The following EP300 variants were observed in gnomAD, a reference collection of about 807,000 sequenced individuals.
EP300 encodes histone acetyltransferase p300.
In EP300, 31 loss-of-function variants were observed where a neutral mutation model predicts 264.0. The ratio of observed to expected loss-of-function variants is 0.12; its 90% CI spans 0.09 to 0.16. The LOEUF (loss-of-function observed/expected upper bound fraction) is 0.16, where lower values mean the gene tolerates loss of function less well. Among genes scored for constraint, EP300 ranks in the 10% least tolerant of loss-of-function variants. The pLI is 1.00. For missense variants in EP300, 2,766 were observed against 3,052.9 expected (o/e 0.91, Z 2.21); for synonymous variants, 1,340 against 1,045.4 (o/e 1.28, Z -5.44).
At chr22:41,147,594 T>C (rs1225189675) in intron 11 of EP300, among the ~76,000 whole-genome samples, 1 of 151,702 alleles carries the variant, frequency 6.6e-6, no homozygotes, top group African/African-American at 2.4e-5. Context: ...AAAAATTAGC[T>C]GGGTGTGGTG....
At chr22:41,140,661 T>C (rs2058976943) in intron 9 of EP300, among the ~76,000 whole-genome samples, 1 of 151,844 alleles carries the variant, frequency 6.6e-6, no homozygotes, top group Non-Finnish European at 1.5e-5. Context: ...TAGCCAGGCA[T>C]GGTGGCACGT....
At chr22:41,151,302 C>T (rs949661367) in intron 14 of EP300, among the ~76,000 whole-genome samples, 1 of 152,048 alleles carries the variant, frequency 6.6e-6, no homozygotes. Flanking sequence ...AAGGATACTT[C>T]CAGAAAATAC....
chr22:41,179,235 G>A lies in EP300; in HGVS notation c.*279G>A, dbSNP rs982303617. 6.9e-6 allele frequency: 3 copies of A among 437,114 alleles called. No homozygotes were observed. The highest frequency in any genetic ancestry group is 1.2e-5 in the Non-Finnish European group (3 of 244,034). 27.1% of individuals were successfully genotyped at this position (437,114 alleles called of 1,614,324 possible). A position where few individuals can be genotyped will look rare whatever the true frequency, so the allele number is the denominator to read the frequency against. The stretch of plus-strand genomic sequence containing the variant: ...AAGTGTGCACTGGGAGGAGGCTGAG[G>A]CCTGTGAAGCCAAACAATATGCTCC... On this transcript the variant is annotated 3_prime_UTR_variant, in exon 31 of 31. Coordinates refer to ENST00000263253, the MANE Select transcript of EP300 (RefSeq NM_001429.4).
chr22:41,174,087 G>A (rs900657437), intron 29 of EP300, among the ~76,000 whole-genome samples: 13 of 151,920 alleles, frequency 8.6e-5, no homozygotes, highest in African/African-American at 2.9e-4. Context: ...TCCAGCCTGG[G>A]CAACAAGAGC....
intron 1 of EP300, among the ~76,000 whole-genome samples, chr22:41,113,852 A>T (rs904602431): frequency 6.6e-6 from 1 of 152,036 alleles, no homozygotes; most frequent in Non-Finnish European, 1.5e-5. Context: ...GGCCTTTTTA[A>T]CTTTATTTTC....
chr22:41,127,442 G>GCACA, intron 3 of EP300, 45 bp from the exon 4 acceptor site: 1 of 1,609,678 alleles, frequency 6.2e-7, no homozygotes, highest in African/African-American at 1.3e-5. Flanking sequence ...TTAAGAAATA[G>GCACA]CACATTATGA....
At chr22:41,137,565 C>A (rs911795338) in intron 7 of EP300, 88 bp from the exon 8 acceptor site, 3 of 1,536,676 alleles carry the variant, frequency 2.0e-6, no homozygotes, top group African/African-American at 2.7e-5. Flanking sequence ...CATATTGATT[C>A]CATTACAATA....
At chr22:41,141,529 C>G (rs1485874515) in intron 10 of EP300, among the ~76,000 whole-genome samples, 2 of 152,156 alleles carry the variant, frequency 1.3e-5, no homozygotes, top group Admixed American at 1.3e-4. Context: ...ACAGATTTCT[C>G]TGAGACTGGC....
Position 41,150,213 on chromosome 22 carries a change from G to A in EP300, c.2817+15G>A, listed in dbSNP as rs745598544. The A allele has an allele frequency of 1.3e-6, 2 of 1,595,108 alleles. No homozygotes were observed. The highest frequency in any genetic ancestry group is 2.3e-5 in the East Asian group (1 of 44,382). On this transcript the variant is annotated intron_variant, in intron 14 of 30. Coordinates refer to ENST00000263253, the MANE Select transcript of EP300 (RefSeq NM_001429.4). ...CTGCAACTCCAGTAAGTAGAGATTTGGATTTAGGCAGAATCATTAGAGCTA... is the reference window on the plus strand; with the variant it reads ...CTGCAACTCCAGTAAGTAGAGATTTAGATTTAGGCAGAATCATTAGAGCTA...
intron 1 of EP300, among the ~76,000 whole-genome samples, chr22:41,096,847 GA>G (rs1302114590): frequency 6.6e-6 from 1 of 152,020 alleles, no homozygotes; most frequent in Non-Finnish European, 1.5e-5. Context: ...TCGAACTCCT[GA>G]CCTCAGGTGA....
chr22:41,131,603 C>A lies in EP300; in HGVS notation c.1498C>A (p.Pro500Thr). 6.2e-7 allele frequency: 1 copy of A among 1,614,120 alleles called. No homozygotes were observed. The highest frequency in any genetic ancestry group is 8.5e-7 in the Non-Finnish European group (1 of 1,180,020). ...NQQNQQPGQS[P>T]QGMRPMSNMS... ...GCAGAATCAGCAGCCTGGGCAGTCT[C>A]CCCAAGGCATGCGGCCCATGAGCAA... Residue 500 changes from proline (P) to threonine (T), a missense_variant, in exon 6 of 31, where the codon CCC becomes ACC. Physicochemically the swap from Pro to Thr is conservative, Grantham distance 38. Coordinates refer to ENST00000263253, the MANE Select transcript of EP300 (RefSeq NM_001429.4).
chr22:41,167,820 T>TTTTTG (rs1569115903), intron 23 of EP300, among the ~76,000 whole-genome samples: 3 of 44,188 alleles, frequency 6.8e-5, no homozygotes, highest in African/African-American at 9.2e-5. Context: ...TTTTGTTTTT[T>TTTTTG]TTTTTGTTTT....
chr22:41,152,145 A>C, intron 15 of EP300, 61 bp from the exon 16 acceptor site: 1 of 1,593,052 alleles, frequency 6.3e-7, no homozygotes, highest in East Asian at 2.2e-5. Flanking sequence ...AAGGGTGTTC[A>C]GATTACTGAT....
chr22:41,173,911 A>C, intron 29 of EP300, 127 bp downstream of exon 29: 1 of 1,098,556 alleles, frequency 9.1e-7, no homozygotes, highest in Non-Finnish European at 1.4e-6. Flanking sequence ...CAGGAGTTCA[A>C]GACCAGCCTG....
At chr22:41,157,478 A>T (rs1470113225) in intron 18 of EP300, 70 bp downstream of exon 18, 10 of 1,097,350 alleles carry the variant, frequency 9.1e-6, no homozygotes, top group Non-Finnish European at 1.1e-5. Flanking sequence ...GGTGACTGGG[A>T]TAAGAGAATA....
chr22:41,164,266 G>A (rs964246913), intron 22 of EP300, 136 bp downstream of exon 22: 5 of 822,820 alleles, frequency 6.1e-6, no homozygotes, highest in Admixed American at 4.8e-5. Context: ...GTTTGGCCAC[G>A]ATAATTATAG....
In EP300 at chr22:41,117,919, A is replaced by G. The variant is rs1246642027; in HGVS notation, c.729+98A>G. 7 of 1,568,850 alleles carry G rather than the reference A, an allele frequency of 4.5e-6. No individual in the cohort carries two copies. The East Asian group carries it at 6.8e-5, about 15-fold the overall frequency. On this transcript the variant is annotated intron_variant, in intron 2 of 30. Transcript: ENST00000263253. ...CTTACATTGTATAGCAGTTTCCACTATTACACGCCAGGAATTTACTGTGCT... is the reference window on the plus strand; with the variant it reads ...CTTACATTGTATAGCAGTTTCCACTGTTACACGCCAGGAATTTACTGTGCT...
At chr22:41,131,255 G>A in intron 5 of EP300, 133 bp from the exon 6 acceptor site, 2 of 1,032,948 alleles carry the variant, frequency 1.9e-6, no homozygotes, top group Non-Finnish European at 2.9e-6. Flanking sequence ...GGAAATAATG[G>A]AAGACAAGAT....
Position 41,115,344 on chromosome 22 carries a change from C to T in EP300, c.95-1843C>T, listed in dbSNP as rs2058815072. Among the ~76,000 whole-genome samples, 4 of 152,164 alleles carry T rather than the reference C, an allele frequency of 2.6e-5. 1 individual carries two copies. The South Asian group carries it at 8.3e-4, about 32-fold the overall frequency. On this transcript the variant is annotated intron_variant, in intron 1 of 30. Transcript: ENST00000263253. ...ATAGAGGGCACAAGACAATCACCCT[C>T]CACCCACAACAAAGAATTATCACAT...
Sources: gnomAD v4.1 joint callset for allele counts (sites outside exome capture counted in the v4.1 genomes callset) on GRCh38, gnomAD v4.1.1 for gene constraint, MANE v1.5 for transcripts, NCBI Gene and HGNC (gene_info 2026-07-23, HGNC 2026-07-21) for gene names.